The following ANTXR2 variants were observed in gnomAD, a reference collection of about 807,000 sequenced individuals.
ANTXR2 encodes the protein ANTXR cell adhesion molecule 2, also known as anthrax toxin receptor 2.
Under a neutral mutation model 73.7 loss-of-function variants are expected in ANTXR2, and 44 were observed. The ratio of observed to expected loss-of-function variants is 0.60; its 90% CI spans 0.47 to 0.77. The LOEUF (loss-of-function observed/expected upper bound fraction) is 0.77. Among genes scored for constraint, ANTXR2 ranks in the 30% least tolerant of loss-of-function variants. ANTXR2 has a pLI of 0.00. For synonymous variants in ANTXR2, 217 were observed against 205.9 expected, an observed-to-expected ratio of 1.05 and a Z score of -0.46; for missense variants, 604 against 592.5, an observed-to-expected ratio of 1.02 and a Z score of -0.20.
chr4:80,001,568 C>T (rs1307136506), intron 12 of ANTXR2, among the ~76,000 whole-genome samples: 1 of 151,334 alleles, frequency 6.6e-6, no homozygotes, highest in Non-Finnish European at 1.5e-5. Flanking sequence ...ATTAGGTCCG[C>T]TTGGTGCAGA....
At chr4:80,024,759 A>C in intron 10 of ANTXR2, 1 of 424,052 alleles carries the variant, frequency 2.4e-6, no homozygotes, top group Non-Finnish European at 4.7e-6. Context: ...ACCCCACCTC[A>C]AAAAGAAAAA....
At chr4:79,909,026 T>A (rs1390217028) in intron 16 of ANTXR2, among the ~76,000 whole-genome samples, 2 of 152,146 alleles carry the variant, frequency 1.3e-5, no homozygotes, top group Admixed American at 6.5e-5. Flanking sequence ...GCAAAAAAAG[T>A]AGTGCTTCTA....
chr4:79,927,341 G>A (rs1727862211), intron 16 of ANTXR2, among the ~76,000 whole-genome samples: 1 of 149,028 alleles, frequency 6.7e-6, no homozygotes, highest in Admixed American at 6.7e-5. Flanking sequence ...AACTATGGAA[G>A]GTGATGGATA....
intron 10 of ANTXR2, among the ~76,000 whole-genome samples, chr4:80,027,401 C>A (rs75927005): frequency 6.6e-6 from 1 of 152,054 alleles, no homozygotes; most frequent in South Asian, 2.1e-4. Context: ...ATTATGAAGC[C>A]AGGCTCTAAC....
chr4:79,979,545 A>G lies in ANTXR2; in HGVS notation c.1180-1371T>C, dbSNP rs963808710. Among the ~76,000 whole-genome samples the G allele has an allele frequency of 3.9e-5, 6 of 152,284 alleles. No homozygotes were observed. The East Asian group carries it at 7.7e-4, about 20-fold the overall frequency. ...TTAGATGTTTTTACCTTTTTTTACT[A>G]CAATTTTAGAATGGGCTTTCAATTT... On this transcript the variant is annotated intron_variant, in intron 14 of 16. Transcript: ENST00000403729.
chr4:80,016,762 C>T lies in ANTXR2; in HGVS notation c.945+2136G>A, dbSNP rs1263061433. 1.3e-5 allele frequency among the ~76,000 whole-genome samples: 2 copies of T among 152,238 alleles called. 1 individual carries two copies. Among genetic ancestry groups the T allele is most frequent in the Non-Finnish European group, 2.9e-5 (2 of 68,042 alleles). ...AAACCACAGTTGCTTTTGCATCAAC[C>T]TAATAGTTGCTCAGGCAAAAACACT... On this transcript the variant is annotated intron_variant, in intron 11 of 16. Coordinates refer to ENST00000403729, the MANE Select transcript of ANTXR2 (RefSeq NM_058172.6).
chr4:80,001,060 A>T (rs1189503578), intron 12 of ANTXR2, among the ~76,000 whole-genome samples: 1 of 152,044 alleles, frequency 6.6e-6, no homozygotes, highest in Non-Finnish European at 1.5e-5. Context: ...AGTAAATTCT[A>T]CTCAGTATAT....
intron 10 of ANTXR2, among the ~76,000 whole-genome samples, chr4:80,026,161 G>A (rs977361917): frequency 6.6e-6 from 1 of 152,244 alleles, no homozygotes; most frequent in East Asian, 1.9e-4. Context: ...CGTGTAAAGG[G>A]AGGATCCTGA....
At chr4:79,999,948 A>C (rs1476551159) in intron 12 of ANTXR2, among the ~76,000 whole-genome samples, 1 of 152,040 alleles carries the variant, frequency 6.6e-6, no homozygotes, top group African/African-American at 2.4e-5. Flanking sequence ...TATAAATATG[A>C]TATGGGATAC....
intron 3 of ANTXR2, 86 bp downstream of exon 3, chr4:80,069,350 G>A (rs1216955491): frequency 9.4e-6 from 10 of 1,062,442 alleles, no homozygotes; most frequent in Non-Finnish European, 1.4e-5. Context: ...TCCACTGAGA[G>A]GCCTGAATCA....
rs1726805517 is a variant in ANTXR2, at chr4:79,903,845, A to G, written c.*3584T>C. 1 of 152,124 alleles carries G rather than the reference A, an allele frequency of 6.6e-6. No homozygotes were observed. The highest frequency in any genetic ancestry group is 1.5e-5 in the Non-Finnish European group (1 of 68,016). The allele number at this position is 152,124 out of a possible 1,614,324, so 9.4% of individuals were successfully genotyped here. Reference sequence around the variant, plus strand: ...CCTTTCATATTGAAATGATGCATATATTTCTTTCCTGTGTACATATACCCA... The same window carrying G: ...CCTTTCATATTGAAATGATGCATATGTTTCTTTCCTGTGTACATATACCCA... On this transcript the variant is annotated 3_prime_UTR_variant, in exon 17 of 17. Coordinates refer to ENST00000403729, the MANE Select transcript of ANTXR2 (RefSeq NM_058172.6).
intron 16 of ANTXR2, among the ~76,000 whole-genome samples, chr4:79,930,886 G>A (rs943552501): frequency 5.3e-5 from 8 of 152,130 alleles, no homozygotes; most frequent in Admixed American, 1.3e-4. Flanking sequence ...ATTTATTTCC[G>A]CTTACAGCTC....
intron 3 of ANTXR2, among the ~76,000 whole-genome samples, chr4:80,065,342 T>C (rs1022101224): frequency 7.2e-5 from 11 of 152,168 alleles, no homozygotes; most frequent in African/African-American, 2.7e-4. Flanking sequence ...CCTAACCCTA[T>C]AATACATCCC....
At chr4:79,936,553 A>G (rs1322512068) in intron 16 of ANTXR2, among the ~76,000 whole-genome samples, 2 of 152,184 alleles carry the variant, frequency 1.3e-5, no homozygotes, top group South Asian at 2.1e-4. Flanking sequence ...ATGTCCTCAT[A>G]AAAGCTTAGG....
chr4:80,012,436 A>C (rs1731631798), intron 11 of ANTXR2, among the ~76,000 whole-genome samples: 1 of 152,152 alleles, frequency 6.6e-6, no homozygotes, highest in Non-Finnish European at 1.5e-5. Context: ...TTTACTGAAC[A>C]CAGCCATTTG....
intron 16 of ANTXR2, among the ~76,000 whole-genome samples, chr4:79,943,648 G>A (rs1210914536): frequency 2.3e-5 from 3 of 129,836 alleles, no homozygotes; most frequent in African/African-American, 9.0e-5. Context: ...TGACACATTA[G>A]TGGGTGCAGC....
chr4:79,918,932 T>C (rs1727460631), intron 16 of ANTXR2, among the ~76,000 whole-genome samples: 1 of 152,120 alleles, frequency 6.6e-6, no homozygotes, highest in African/African-American at 2.4e-5. Context: ...ATTATACCAC[T>C]GCAATGTTCG....
chr4:80,011,271 C>T (rs1405751524), intron 11 of ANTXR2, among the ~76,000 whole-genome samples: 2 of 16,686 alleles, frequency 1.2e-4, no homozygotes, highest in African/African-American at 2.5e-4. Context: ...CCTGGTCTTG[C>T]TATCTATCTA....
At chr4:80,055,253 G>A in intron 5 of ANTXR2, 35 bp from the exon 6 acceptor site, 1 of 1,548,112 alleles carries the variant, frequency 6.5e-7, no homozygotes, top group Non-Finnish European at 8.8e-7. Flanking sequence ...GAGAAAAAAA[G>A]AGAGGGGAGA....
Sources: gnomAD v4.1 joint callset for allele counts (sites outside exome capture counted in the v4.1 genomes callset) on GRCh38, gnomAD v4.1.1 for gene constraint, MANE v1.5 for transcripts, NCBI Gene and HGNC (gene_info 2026-07-23, HGNC 2026-07-21) for gene names.